The following PYY variants were observed in gnomAD, a reference collection of about 807,000 sequenced individuals.
PYY encodes peptide YY.
Under a neutral mutation model 10.3 loss-of-function variants are expected in PYY, and 12 were observed. The ratio of observed to expected loss-of-function variants is 1.17; its 90% CI spans 0.75 to 1.89. PYY has a LOEUF of 1.89. Ranked by LOEUF, PYY falls within the 40% of genes most tolerant of loss-of-function variation. The pLI is 0.00. For missense variants in PYY, 141 were observed against 134.0 expected, an observed-to-expected ratio of 1.05 and a Z score of -0.26; for synonymous variants, 66 against 62.0, an observed-to-expected ratio of 1.06 and a Z score of -0.30.
chr17:43,995,691 G>T (rs1201710580), intron 1 of PYY, among the ~76,000 whole-genome samples: 3 of 151,884 alleles, frequency 2.0e-5, no homozygotes, highest in Non-Finnish European at 2.9e-5. Flanking sequence ...AAAATTAGCC[G>T]GGTGTGGTGG....
At chr17:43,990,794 G>GTT (rs747130528) in intron 1 of PYY, among the ~76,000 whole-genome samples, 39 of 123,698 alleles carry the variant, frequency 3.2e-4, no homozygotes, top group Non-Finnish European at 4.6e-4. Context: ...ATTTAATGTT[G>GTT]TTTTTTTTTT....
At chr17:43,977,202 C>T (rs1435636421) in intron 1 of PYY, among the ~76,000 whole-genome samples, 3 of 152,168 alleles carry the variant, frequency 2.0e-5, no homozygotes, top group Admixed American at 6.5e-5. Context: ...GAGAGGGAGG[C>T]AGGGATGGCA....
chr17:43,973,080 C>G (rs2048806152), intron 1 of PYY, among the ~76,000 whole-genome samples: 1 of 152,082 alleles, frequency 6.6e-6, no homozygotes, highest in Non-Finnish European at 1.5e-5. Context: ...CTCAAGTGAT[C>G]CTCCTGCTTC....
intron 1 of PYY, among the ~76,000 whole-genome samples, chr17:43,980,076 G>A (rs1241639845): frequency 1.3e-5 from 2 of 151,574 alleles, no homozygotes; most frequent in African/African-American, 2.4e-5. Context: ...TCCCTGCTGA[G>A]GATAACCATT....
chr17:43,969,402 A>T (rs1238530145), intron 1 of PYY, among the ~76,000 whole-genome samples: 1 of 151,164 alleles, frequency 6.6e-6, no homozygotes, highest in Non-Finnish European at 1.5e-5. Flanking sequence ...CTGTAATCCC[A>T]GCTACTCCAG....
intron 2 of PYY, among the ~76,000 whole-genome samples, chr17:43,959,040 C>T (rs1473015277): frequency 6.6e-6 from 1 of 152,164 alleles, no homozygotes; most frequent in Non-Finnish European, 1.5e-5. Context: ...GATTGCTTCA[C>T]AAGTGTCTTT....
chr17:43,973,150 T>A (rs936386529), intron 1 of PYY, among the ~76,000 whole-genome samples: 25 of 148,384 alleles, frequency 1.7e-4, no homozygotes, highest in African/African-American at 3.9e-4. Context: ...AAAAGTCATT[T>A]AAAAAAAAAA....
intron 2 of PYY, 22 bp from the exon 3 acceptor site, chr17:43,953,211 G>A: frequency 1.2e-6 from 2 of 1,613,302 alleles, no homozygotes; most frequent in Admixed American, 1.7e-5. Context: ...GAAGGGAAGA[G>A]CGTGGTCAGA....
intron 1 of PYY, among the ~76,000 whole-genome samples, chr17:43,983,422 G>A (rs73306624): frequency 0.03 from 4,553 of 152,258 alleles, 205 homozygotes; most frequent in African/African-American, 0.094. Context: ...TCTGGGGCCT[G>A]CTCAGTGCCC....
At chr17:43,981,373 C>T (rs1393920282) in intron 1 of PYY, among the ~76,000 whole-genome samples, 1 of 152,174 alleles carries the variant, frequency 6.6e-6, no homozygotes, top group Non-Finnish European at 1.5e-5. Context: ...CTCACCAATA[C>T]TTGGCATCAT....
chr17:43,960,083 C>T (rs117117261), intron 2 of PYY, among the ~76,000 whole-genome samples: 2,875 of 152,272 alleles, frequency 0.019, 37 homozygotes, highest in Non-Finnish European at 0.029. Flanking sequence ...TTCATGCACC[C>T]CCCCTTAATA....
chr17:43,959,697 T>G (rs755166444), intron 2 of PYY, among the ~76,000 whole-genome samples: 30 of 151,986 alleles, frequency 2.0e-4, no homozygotes, highest in African/African-American at 4.3e-4. Context: ...AGAAAAAAAA[T>G]AAAAATAAAA....
chr17:43,969,290 T>C lies in PYY; in HGVS notation c.-462-2758A>G, dbSNP rs534626440. Among the ~76,000 whole-genome samples the C allele has an allele frequency of 5.3e-5, 8 of 150,946 alleles. No homozygotes were observed. The East Asian group carries it at 1.2e-3, about 22-fold the overall frequency. On this transcript the variant is annotated intron_variant, in intron 1 of 6. Transcript: ENST00000360085. ...CAGCACTTTGGGAGGCCGAGGCGGG[T>C]GGATCACTTGAGGTCAGGAGTTCTA...
At chr17:43,963,977 T>C (rs2143906615) in intron 2 of PYY, among the ~76,000 whole-genome samples, 1 of 152,334 alleles carries the variant, frequency 6.6e-6, no homozygotes, top group South Asian at 2.1e-4. Flanking sequence ...GCCACTGCAC[T>C]CCAGCCTGGT....
intron 1 of PYY, among the ~76,000 whole-genome samples, chr17:43,992,994 T>C (rs1392909647): frequency 6.6e-6 from 1 of 152,088 alleles, no homozygotes; most frequent in Non-Finnish European, 1.5e-5. Context: ...TATGGTAGCC[T>C]TAGGAAATGA....
rs1345415209 is a variant in PYY at position 43,960,575 on chromosome 17, C to T, written c.-217-2547G>A. On this transcript the variant is annotated intron_variant, in intron 2 of 6. Coordinates refer to the PYY transcript ENST00000360085. Reference sequence around the variant, plus strand: ...AAAAAACAATATTCATTAGGCCAGACGCAGTGGCTCACGCCTGTAATCCCA... The same window carrying T: ...AAAAAACAATATTCATTAGGCCAGATGCAGTGGCTCACGCCTGTAATCCCA... 1.2e-4 allele frequency among the ~76,000 whole-genome samples: 17 copies of T among 143,630 alleles called. No individual in the cohort carries two copies. The East Asian group carries it at 1.2e-3, about 10-fold the overall frequency. The allele number at this position is 143,630 out of a possible 152,430, so 94.2% of individuals were successfully genotyped here. A position where few individuals can be genotyped will look rare whatever the true frequency, so the allele number is the denominator to read the frequency against.
chr17:43,978,502 A>T (rs758467230), intron 1 of PYY, among the ~76,000 whole-genome samples: 14 of 152,154 alleles, frequency 9.2e-5, no homozygotes, highest in Non-Finnish European at 1.5e-4. Flanking sequence ...AAGAAAAGAA[A>T]AGAAAGTGTA....
intron 1 of PYY, among the ~76,000 whole-genome samples, chr17:43,966,771 T>A (rs574019679): frequency 2.6e-5 from 4 of 152,332 alleles, no homozygotes; most frequent in Admixed American, 2.0e-4. Context: ...CAGAGGTTTT[T>A]GTCTGTTTCT....
At position 43,953,338 on chromosome 17, in the gene PYY, T is replaced by C; in HGVS notation, c.146A>G (p.Tyr49Cys). 1 of 1,612,546 alleles carries C rather than the reference T, an allele frequency of 6.2e-7. No homozygotes were observed. Residue 49 changes from tyrosine to cysteine, a missense_variant, in exon 2 of 4, where the codon TAC becomes TGC. Coordinates refer to ENST00000692052, the MANE Select transcript of PYY (RefSeq NM_001394028.1). ...DASPEELNRYYASLRHYLNLV... is the reference protein window; with the variant it reads ...DASPEELNRYCASLRHYLNLV... The stretch of plus-strand genomic sequence containing the variant: ...GTTGAGGTAGTGGCGCAGGGAGGCG[T>C]AGTAGCGGTTCAGCTCCTCCGGCGA...
Sources: allele counts gnomAD v4.1 joint callset (sites outside exome capture counted in the v4.1 genomes callset), GRCh38; gene constraint gnomAD v4.1.1; transcripts MANE v1.5; gene names NCBI Gene and HGNC (gene_info 2026-07-23, HGNC 2026-07-21).